Variants in SEMA3E observed in about 807,000 individuals in gnomAD.
SEMA3E encodes the protein semaphorin-3E.
Under a neutral mutation model 93.6 loss-of-function variants are expected in SEMA3E, and 49 were observed. The observed-to-expected ratio is 0.52, with a 90% confidence interval of 0.42 to 0.66. The LOEUF is 0.66. SEMA3E is among the 30% of genes least tolerant of loss of function. The pLI is 0.00. For synonymous variants in SEMA3E, 363 were observed against 330.7 expected (o/e 1.10, Z -1.06); for missense variants, 906 against 964.8 (o/e 0.94, Z 0.81).
intron 1 of SEMA3E, among the ~76,000 whole-genome samples, chr7:83,569,292 C>T (rs1277999163): frequency 8.4e-6 from 1 of 118,720 alleles, no homozygotes; most frequent in East Asian, 2.2e-4. Context: ...CAAGAACATA[C>T]TCATCCCATA....
At chr7:83,547,880 G>C (rs1791683604) in intron 1 of SEMA3E, among the ~76,000 whole-genome samples, 1 of 152,040 alleles carries the variant, frequency 6.6e-6, no homozygotes, top group African/African-American at 2.4e-5. Flanking sequence ...CACCCACTCT[G>C]AGGCTAGAGT....
intron 4 of SEMA3E, among the ~76,000 whole-genome samples, chr7:83,459,718 C>G (rs866312886): frequency 2.0e-5 from 3 of 152,124 alleles, no homozygotes; most frequent in African/African-American, 4.8e-5. Flanking sequence ...GTGACTTGCA[C>G]GTATTCGCCC....
At chr7:83,377,626 T>C (rs1787674583) in intron 16 of SEMA3E, among the ~76,000 whole-genome samples, 1 of 151,902 alleles carries the variant, frequency 6.6e-6, no homozygotes, top group Non-Finnish European at 1.5e-5. Context: ...AAAATATGGA[T>C]TAAAAATAAC....
At chr7:83,577,972 A>T (rs1304428823) in intron 1 of SEMA3E, among the ~76,000 whole-genome samples, 1 of 152,104 alleles carries the variant, frequency 6.6e-6, no homozygotes, top group African/African-American at 2.4e-5. Context: ...TCTAAAACAC[A>T]TTCATTTTGA....
intron 4 of SEMA3E, among the ~76,000 whole-genome samples, chr7:83,425,190 C>G (rs1788744678): frequency 6.6e-6 from 1 of 151,520 alleles, no homozygotes; most frequent in Admixed American, 6.6e-5. Flanking sequence ...GTTTTACTTT[C>G]TTGAATGTTA....
chr7:83,421,634 A>C (rs561828109), intron 4 of SEMA3E, among the ~76,000 whole-genome samples: 1 of 142,692 alleles, frequency 7.0e-6, no homozygotes, highest in African/African-American at 2.5e-5. Flanking sequence ...ACCTATAAAC[A>C]ATCTTGAAAG....
At chr7:83,394,271 T>TACACACAC (rs71074649) in intron 13 of SEMA3E, 26 bp downstream of exon 13, 1 of 1,318,324 alleles carries the variant, frequency 7.6e-7, no homozygotes, top group African/African-American at 1.4e-5. Context: ...CACACACACC[T>TACACACAC]ACACACACAC....
At chr7:83,457,465 A>C (rs1789509852) in intron 4 of SEMA3E, among the ~76,000 whole-genome samples, 1 of 152,192 alleles carries the variant, frequency 6.6e-6, no homozygotes, top group Admixed American at 6.5e-5. Flanking sequence ...ATTTCTTCCC[A>C]ATCAGCAAGA....
intron 1 of SEMA3E, among the ~76,000 whole-genome samples, chr7:83,532,611 G>A (rs1285998894): frequency 6.6e-6 from 1 of 152,036 alleles, no homozygotes; most frequent in Non-Finnish European, 1.5e-5. Flanking sequence ...CTTGAAACCT[G>A]GGATCAAGTT....
chr7:83,489,580 T>C (rs375759588), intron 2 of SEMA3E, among the ~76,000 whole-genome samples: 3 of 152,146 alleles, frequency 2.0e-5, no homozygotes, highest in East Asian at 1.9e-4. Flanking sequence ...ATTTGTATAA[T>C]TATAGACTAT....
At chr7:83,437,791 G>C (rs1789034474) in intron 4 of SEMA3E, among the ~76,000 whole-genome samples, 1 of 152,148 alleles carries the variant, frequency 6.6e-6, no homozygotes, top group South Asian at 2.1e-4. Flanking sequence ...CATAATGTAA[G>C]ATGGGCTTAG....
At chr7:83,430,482 G>A (rs773867050) in intron 4 of SEMA3E, among the ~76,000 whole-genome samples, 7 of 151,924 alleles carry the variant, frequency 4.6e-5, no homozygotes, top group South Asian at 4.1e-4. Context: ...TGAATACCAC[G>A]GAATACTATG....
chr7:83,460,964 T>C (rs1438732126), intron 4 of SEMA3E, among the ~76,000 whole-genome samples: 1 of 152,044 alleles, frequency 6.6e-6, no homozygotes, highest in Non-Finnish European at 1.5e-5. Context: ...TCCCTTGGCC[T>C]GTGTTCTCAA....
chr7:83,389,054 T>C (rs1191760678), intron 14 of SEMA3E, among the ~76,000 whole-genome samples: 1 of 151,966 alleles, frequency 6.6e-6, no homozygotes, highest in Non-Finnish European at 1.5e-5. Context: ...AAATCTTACC[T>C]AAAAACCTGA....
intron 4 of SEMA3E, among the ~76,000 whole-genome samples, chr7:83,420,858 A>AAACATAGCCTAGTGCCGGG (rs1451192435): frequency 1.7e-4 from 24 of 144,560 alleles, no homozygotes; most frequent in South Asian, 4.5e-4. Flanking sequence ...AAGACCTCTA[A>AAACATAGCCTAGTGCCGGG]CTATAAGAAT....
At position 83,389,628 on chromosome 7, in the gene SEMA3E, A is replaced by G. The variant is rs142087807; in HGVS notation, c.1668-2578T>C. Among the ~76,000 whole-genome samples the G allele has an allele frequency of 6.5e-3, 985 of 151,122 alleles. 8 individuals are homozygous for G. The highest frequency in any genetic ancestry group is 0.022 in the African/African-American group (910 of 40,976). Reference sequence around the variant, plus strand: ...ACACGTATATATTACATGTATACATACACACACATACACGTATATATTACA... The same window carrying G: ...ACACGTATATATTACATGTATACATGCACACACATACACGTATATATTACA... On this transcript the variant is annotated intron_variant, in intron 14 of 16. Transcript: ENST00000643230.
chr7:83,642,692 A>G (rs1794029998), intron 1 of SEMA3E, among the ~76,000 whole-genome samples: 2 of 152,142 alleles, frequency 1.3e-5, no homozygotes, highest in Non-Finnish European at 2.9e-5. Flanking sequence ...CATCCTTTGT[A>G]TAAGGTACAG....
intron 1 of SEMA3E, among the ~76,000 whole-genome samples, chr7:83,521,768 T>C (rs1324712231): frequency 1.3e-5 from 2 of 151,884 alleles, no homozygotes; most frequent in African/African-American, 4.8e-5. Flanking sequence ...AAAGAAGGAG[T>C]GCCCTCCTGT....
At chr7:83,416,670 T>C (rs1264308593) in intron 5 of SEMA3E, among the ~76,000 whole-genome samples, 1 of 152,080 alleles carries the variant, frequency 6.6e-6, no homozygotes, top group Non-Finnish European at 1.5e-5. Context: ...GAATTACATT[T>C]AGTATTTATA....
Sources: allele counts gnomAD v4.1 joint callset (sites outside exome capture counted in the v4.1 genomes callset), GRCh38; gene constraint gnomAD v4.1.1; transcripts MANE v1.5; gene names NCBI Gene and HGNC (gene_info 2026-07-23, HGNC 2026-07-21).